The following ULK4 variants were observed in gnomAD, a reference collection of about 807,000 sequenced individuals.
ULK4 encodes the protein unc-51 like kinase 4, also known as inactive serine/threonine-protein kinase ULK4.
ULK4 carries 133 observed loss-of-function variants against 160.6 expected under a neutral mutation model. The ratio of observed to expected loss-of-function variants is 0.83; its 90% confidence interval spans 0.72 to 0.96. ULK4 has a LOEUF of 0.96. ULK4 is among the 40% of genes least tolerant of loss of function. ULK4 has a pLI of 0.00. For missense variants in ULK4, 1,580 were observed against 1,499.5 expected, an observed-to-expected ratio of 1.05 and a Z score of -0.89; for synonymous variants, 534 against 539.8, an observed-to-expected ratio of 0.99 and a Z score of 0.15.
chr3:41,829,354 C>T (rs2041487968), intron 18 of ULK4, among the ~76,000 whole-genome samples: 1 of 146,236 alleles, frequency 6.8e-6, no homozygotes, highest in Non-Finnish European at 1.5e-5. Context: ...TCAGAGTGAA[C>T]AGGCAACCTA....
intron 31 of ULK4, among the ~76,000 whole-genome samples, chr3:41,570,479 C>A (rs951085397): frequency 6.7e-6 from 1 of 148,516 alleles, no homozygotes; most frequent in Non-Finnish European, 1.5e-5. Context: ...ACATAAAAAA[C>A]CTTTTCTTGT....
At chr3:41,430,601 A>C (rs2082882525) in intron 34 of ULK4, among the ~76,000 whole-genome samples, 1 of 152,216 alleles carries the variant, frequency 6.6e-6, no homozygotes, top group Non-Finnish European at 1.5e-5. Context: ...ACTTCAGCAC[A>C]TTAATGAGGC....
intron 11 of ULK4, among the ~76,000 whole-genome samples, chr3:41,910,788 G>A (rs890805339): frequency 4.0e-5 from 6 of 151,884 alleles, no homozygotes; most frequent in Non-Finnish European, 2.9e-5. Flanking sequence ...TGAGCAACAC[G>A]GCAAAACACC....
intron 34 of ULK4, among the ~76,000 whole-genome samples, chr3:41,403,350 C>A (rs138043852): frequency 1.5e-4 from 23 of 152,196 alleles, no homozygotes; most frequent in Middle Eastern, 3.4e-3. Flanking sequence ...AGAATTGGCT[C>A]ATTTCTTCCA....
At chr3:41,757,566 A>G (rs1559530909) in intron 21 of ULK4, among the ~76,000 whole-genome samples, 1 of 138,844 alleles carries the variant, frequency 7.2e-6, no homozygotes, top group East Asian at 2.4e-4. Context: ...CAGGAGGCGG[A>G]GCTTTCAGTG....
chr3:41,765,168 T>A (rs141935707), intron 21 of ULK4, among the ~76,000 whole-genome samples: 5 of 152,148 alleles, frequency 3.3e-5, no homozygotes, highest in Admixed American at 1.3e-4. Context: ...CAAATGTCCA[T>A]CAATGATAGA....
intron 33 of ULK4, among the ~76,000 whole-genome samples, chr3:41,456,944 C>G (rs1305272415): frequency 6.6e-6 from 1 of 152,176 alleles, no homozygotes; most frequent in Non-Finnish European, 1.5e-5. Flanking sequence ...ACAACTTGCA[C>G]ATCTCAAAAG....
chr3:41,552,065 C>T (rs1183325094), intron 32 of ULK4, among the ~76,000 whole-genome samples: 9 of 151,960 alleles, frequency 5.9e-5, no homozygotes. Context: ...AATATCTCTT[C>T]ATGATAAAAA....
At chr3:41,846,416 A>T (rs2042071261) in intron 17 of ULK4, among the ~76,000 whole-genome samples, 2 of 152,142 alleles carry the variant, frequency 1.3e-5, no homozygotes, top group Non-Finnish European at 2.9e-5. Flanking sequence ...CAAACTCAGA[A>T]ATCCAAGGAA....
intron 34 of ULK4, among the ~76,000 whole-genome samples, chr3:41,413,426 A>G (rs765602414): frequency 1.3e-4 from 20 of 152,266 alleles, no homozygotes; most frequent in Non-Finnish European, 2.2e-4. Context: ...TAATTGCAAA[A>G]GAATGAATGA....
At chr3:41,802,813 T>C (rs777094696) in intron 19 of ULK4, among the ~76,000 whole-genome samples, 3 of 152,126 alleles carry the variant, frequency 2.0e-5, no homozygotes, top group African/African-American at 2.4e-5. Context: ...ATGTAAGCAT[T>C]TGTATATCAT....
intron 34 of ULK4, among the ~76,000 whole-genome samples, chr3:41,399,743 C>A (rs771118216): frequency 6.6e-6 from 1 of 151,932 alleles, no homozygotes; most frequent in Non-Finnish European, 1.5e-5. Flanking sequence ...ATAGCTGGGA[C>A]CACGGGGGTG....
intron 35 of ULK4, among the ~76,000 whole-genome samples, chr3:41,365,909 TG>T (rs1313980120): frequency 6.6e-6 from 1 of 152,162 alleles, no homozygotes; most frequent in Non-Finnish European, 1.5e-5. Flanking sequence ...TAAATCAAGT[TG>T]GTTAAAATCA....
intron 35 of ULK4, among the ~76,000 whole-genome samples, chr3:41,268,754 G>A (rs945223683): frequency 6.9e-6 from 1 of 144,504 alleles, no homozygotes; most frequent in Non-Finnish European, 1.5e-5. Context: ...GCAGTGAGCC[G>A]AGATCGCACA....
At chr3:41,845,026 C>T (rs1359633024) in intron 17 of ULK4, among the ~76,000 whole-genome samples, 23 of 149,770 alleles carry the variant, frequency 1.5e-4, no homozygotes, top group Admixed American at 4.0e-4. Flanking sequence ...AGTGCAGTGG[C>T]GCAATCTCGG....
chr3:41,856,249 A>G (rs2042333781), intron 17 of ULK4, among the ~76,000 whole-genome samples: 1 of 151,930 alleles, frequency 6.6e-6, no homozygotes, highest in Non-Finnish European at 1.5e-5. Flanking sequence ...CTACTGTCCA[A>G]AAAGTAACAA....
chr3:41,929,733 T>C (rs2148820722), intron 5 of ULK4, among the ~76,000 whole-genome samples: 1 of 152,230 alleles, frequency 6.6e-6, no homozygotes, highest in East Asian at 1.9e-4. Flanking sequence ...GAACTCCCAT[T>C]CACAACTGCT....
rs577806523 is a variant in ULK4 at position 41,399,294 on chromosome 3, G to A, written c.3493-1030C>T. 3.0e-4 allele frequency among the ~76,000 whole-genome samples: 45 copies of A among 152,190 alleles called. 3 individuals are homozygous for A. The South Asian group carries it at 9.3e-3, about 32-fold the overall frequency. On this transcript the variant is annotated intron_variant, in intron 34 of 36. Transcript: ENST00000301831. ...TTTCATGTGCTGATTGGCCATTTGCGTATCTTTGGAAAAATGTCTGTGCAG... is the reference window on the plus strand; with the variant it reads ...TTTCATGTGCTGATTGGCCATTTGCATATCTTTGGAAAAATGTCTGTGCAG...
chr3:41,447,098 A>C (rs1174830852), intron 34 of ULK4, among the ~76,000 whole-genome samples: 2 of 149,586 alleles, frequency 1.3e-5, no homozygotes, highest in East Asian at 3.9e-4. Flanking sequence ...AAAAAAAAAA[A>C]AAAAAAAAAA....
Sources: allele counts gnomAD v4.1 joint callset (sites outside exome capture counted in the v4.1 genomes callset), GRCh38; gene constraint gnomAD v4.1.1; transcripts MANE v1.5; gene names NCBI Gene and HGNC (gene_info 2026-07-23, HGNC 2026-07-21).